Variants in DLC1 observed in about 807,000 individuals in gnomAD.
DLC1 encodes rho GTPase-activating protein 7.
Under a neutral mutation model 140.3 loss-of-function variants are expected in DLC1, and 54 were observed. That is an observed-to-expected ratio of 0.38 (90% CI 0.31 to 0.48). The LOEUF (loss-of-function observed/expected upper bound fraction) is 0.48, where lower values mean the gene tolerates loss of function less well. Among genes scored for constraint, DLC1 ranks in the 20% least tolerant of loss-of-function variants. DLC1 has a pLI of 0.96. For synonymous variants in DLC1, 986 were observed against 728.1 expected, an observed-to-expected ratio of 1.35 and a Z score of -5.70; for missense variants, 2,536 against 1,907.0, an observed-to-expected ratio of 1.33 and a Z score of -6.14.
chr8:13,598,994 A>T (rs1044491132), intron 1 of DLC1, among the ~76,000 whole-genome samples: 93 of 152,058 alleles, frequency 6.1e-4, no homozygotes, highest in African/African-American at 2.1e-3. Context: ...AATGGCATTA[A>T]TTGTTTCTGT....
chr8:13,099,520 C>A lies in DLC1; in HGVS notation c.2817G>T (p.Ser939=). Residue 939 remains serine, a synonymous_variant, in exon 9 of 18, where the codon TCG becomes TCT. Coordinates refer to ENST00000276297, the MANE Select transcript of DLC1 (RefSeq NM_182643.3). ...TTGGAGAGGACGGGCAGGGAGAGAC[C>A]GAGTCCAGGGCTGAGTCCGAATCTC... The part of the protein sequence containing the change: ...DEGDSDSALD[S]VSPCPSSPKQ... The A allele has an allele frequency of 6.2e-7, 1 of 1,614,120 alleles. No homozygotes were observed. Among genetic ancestry groups the A allele is most frequent in the African/African-American group, 1.3e-5 (1 of 75,020 alleles).
chr8:13,122,248 A>C (rs1821152007), intron 5 of DLC1, among the ~76,000 whole-genome samples: 2 of 152,188 alleles, frequency 1.3e-5, no homozygotes, highest in Non-Finnish European at 2.9e-5. Flanking sequence ...CAGCCTTCAC[A>C]GTTTGGCATC....
chr8:13,532,889 C>G (rs1398915353), intron 1 of DLC1, among the ~76,000 whole-genome samples: 1 of 152,046 alleles, frequency 6.6e-6, no homozygotes, highest in Non-Finnish European at 1.5e-5. Context: ...ATGTTAACCC[C>G]AAGTATTCCA....
At chr8:13,229,923 A>C (rs1828966837) in intron 5 of DLC1, among the ~76,000 whole-genome samples, 1 of 152,234 alleles carries the variant, frequency 6.6e-6, no homozygotes, top group South Asian at 2.1e-4. Context: ...GGACCAAAGA[A>C]TCTAATGGCC....
At chr8:13,575,054 G>T (rs891327382) in intron 1 of DLC1, among the ~76,000 whole-genome samples, 1 of 152,134 alleles carries the variant, frequency 6.6e-6, no homozygotes, top group Non-Finnish European at 1.5e-5. Flanking sequence ...TGAAAACATA[G>T]TTGAATTTCT....
intron 16 of DLC1, among the ~76,000 whole-genome samples, chr8:13,086,686 G>A (rs1817594770): frequency 1.3e-5 from 2 of 152,194 alleles, no homozygotes; most frequent in African/African-American, 4.8e-5. Flanking sequence ...ATACAACAGT[G>A]TTGGGAGGTG....
intron 1 of DLC1, among the ~76,000 whole-genome samples, chr8:13,504,434 C>T (rs919637543): frequency 2.6e-5 from 4 of 152,118 alleles, no homozygotes; most frequent in African/African-American, 2.4e-5. Flanking sequence ...CTTCAGAGAA[C>T]ATTAAGAGAA....
At chr8:13,450,669 A>C (rs2116966923) in intron 2 of DLC1, among the ~76,000 whole-genome samples, 1 of 152,258 alleles carries the variant, frequency 6.6e-6, no homozygotes, top group Non-Finnish European at 1.5e-5. Flanking sequence ...TTTAAGAGTG[A>C]AAAGTTTTCA....
chr8:13,368,865 C>T (rs1236827342), intron 4 of DLC1, among the ~76,000 whole-genome samples: 5 of 152,060 alleles, frequency 3.3e-5, no homozygotes, highest in Non-Finnish European at 7.4e-5. Context: ...ACTCTGTTGC[C>T]CAGGCTGGAG....
rs73206695 is a variant in DLC1 at position 13,091,104 on chromosome 8, G to A, written c.3855+214C>T. On this transcript the variant is annotated intron_variant, in intron 14 of 17. Coordinates refer to ENST00000276297, the MANE Select transcript of DLC1 (RefSeq NM_182643.3). Reference sequence around the variant, plus strand: ...ATTACAGGCGTGAGCCACTGCGCCCGGCTGCTTTTCCAAGTAAAGGGACAA... The same window carrying A: ...ATTACAGGCGTGAGCCACTGCGCCCAGCTGCTTTTCCAAGTAAAGGGACAA... Among the ~76,000 whole-genome samples, 6,125 of 152,096 alleles carry A rather than the reference G, an allele frequency of 0.04. 141 individuals are homozygous for A. The highest frequency in any genetic ancestry group is 0.071 in the Middle Eastern group (21 of 294).
At chr8:13,264,704 TA>T (rs1436463513) in intron 5 of DLC1, among the ~76,000 whole-genome samples, 9 of 152,228 alleles carry the variant, frequency 5.9e-5, no homozygotes, top group Non-Finnish European at 1.3e-4. Flanking sequence ...CTTGGATGTT[TA>T]AAATATTTAG....
intron 2 of DLC1, among the ~76,000 whole-genome samples, chr8:13,447,357 C>G (rs1231193351): frequency 6.6e-6 from 1 of 152,066 alleles, no homozygotes; most frequent in Admixed American, 6.6e-5. Flanking sequence ...TGACACTAAC[C>G]TTTTGCGTGA....
chr8:13,524,947 A>G (rs186242506), intron 1 of DLC1, among the ~76,000 whole-genome samples: 33 of 152,256 alleles, frequency 2.2e-4, no homozygotes, highest in Admixed American at 8.5e-4. Flanking sequence ...GAACATATCC[A>G]TCACTGTCGA....
intron 4 of DLC1, among the ~76,000 whole-genome samples, chr8:13,348,394 C>G (rs1009359743): frequency 2.0e-5 from 3 of 152,128 alleles, no homozygotes; most frequent in Non-Finnish European, 2.9e-5. Context: ...AAATATTATT[C>G]TTTAGAGGAT....
At chr8:13,412,667 C>T (rs1837829653) in intron 2 of DLC1, among the ~76,000 whole-genome samples, 1 of 152,176 alleles carries the variant, frequency 6.6e-6, no homozygotes, top group African/African-American at 2.4e-5. Flanking sequence ...TGTGCGGTGG[C>T]TCACACCTGT....
chr8:13,549,093 A>G (rs1803759383), intron 1 of DLC1, among the ~76,000 whole-genome samples: 1 of 152,068 alleles, frequency 6.6e-6, no homozygotes, highest in Non-Finnish European at 1.5e-5. Flanking sequence ...GTCTCCACCT[A>G]CAGATGACTT....
Position 13,114,796 on chromosome 8 carries a change from C to T in DLC1, c.1420+790G>A, listed in dbSNP as rs539804405. ...GGATTAGGGAAATGGCAGTCAAAAT[C>T]TCTATATCATTTTATATCCATTTGG... is the stretch of plus-strand genomic sequence containing the variant. On this transcript the variant is annotated intron_variant, in intron 6 of 17. Transcript: ENST00000276297. 2.6e-5 allele frequency among the ~76,000 whole-genome samples: 4 copies of T among 152,260 alleles called. No homozygotes were observed. The South Asian group carries it at 8.3e-4, about 32-fold the overall frequency.
chr8:13,110,951 T>C (rs1294417782), intron 6 of DLC1, 128 bp from the exon 7 acceptor site: 1 of 762,180 alleles, frequency 1.3e-6, no homozygotes, highest in Non-Finnish European at 2.2e-6. Context: ...GACACCTCAT[T>C]CCCCGTCAAG....
chr8:13,422,625 A>C (rs961752274), intron 2 of DLC1, among the ~76,000 whole-genome samples: 4 of 152,114 alleles, frequency 2.6e-5, no homozygotes, highest in Middle Eastern at 3.4e-3. Flanking sequence ...CAAATTTGTC[A>C]CTTCTTTCAT....
Sources: gnomAD v4.1 joint callset for allele counts (sites outside exome capture counted in the v4.1 genomes callset) on GRCh38, gnomAD v4.1.1 for gene constraint, MANE v1.5 for transcripts, NCBI Gene and HGNC (gene_info 2026-07-23, HGNC 2026-07-21) for gene names.